The following ADGRV1 variants were observed in gnomAD, a reference collection of about 807,000 sequenced individuals.
ADGRV1 encodes G-protein coupled receptor 98.
A neutral mutation model predicts 596.2 loss-of-function variants in ADGRV1; 359 were observed. The observed-to-expected ratio is 0.60, with a 90% CI of 0.55 to 0.66. The LOEUF (loss-of-function observed/expected upper bound fraction) is 0.66. Among genes scored for constraint, ADGRV1 ranks in the 30% least tolerant of loss-of-function variants. ADGRV1 has a pLI of 0.00. For missense variants in ADGRV1, 7,274 were observed against 7,575.6 expected, an observed-to-expected ratio of 0.96 and a Z score of 1.48; for synonymous variants, 2,681 against 2,679.2, an observed-to-expected ratio of 1.00 and a Z score of -0.02.
At chr5:90,666,215 G>A in intron 21 of ADGRV1, among the ~76,000 whole-genome samples, 1 of 151,526 alleles carries the variant, frequency 6.6e-6, no homozygotes, top group East Asian at 2.0e-4. Context: ...ACAGTGGGGT[G>A]TTAAAGTCTC....
At chr5:90,712,555 T>G (rs756678751) in intron 42 of ADGRV1, 127 bp downstream of exon 42, 74 of 726,320 alleles carry the variant, frequency 1.0e-4, no homozygotes, top group Non-Finnish European at 1.4e-4. Flanking sequence ...GATTTTAAGT[T>G]AGAGCATTTC....
chr5:90,877,677 T>A (rs1029502296), intron 83 of ADGRV1, among the ~76,000 whole-genome samples: 8 of 151,758 alleles, frequency 5.3e-5, no homozygotes, highest in Non-Finnish European at 1.5e-5. Context: ...TTGTGATTAG[T>A]TTAAGTGAAG....
intron 50 of ADGRV1, among the ~76,000 whole-genome samples, chr5:90,732,290 C>G (rs1279098293): frequency 6.6e-6 from 1 of 152,096 alleles, no homozygotes; most frequent in Non-Finnish European, 1.5e-5. Flanking sequence ...GACACTGTGC[C>G]CAACTGATTC....
intron 83 of ADGRV1, among the ~76,000 whole-genome samples, chr5:90,886,144 T>G (rs1006782636): frequency 6.6e-6 from 1 of 152,184 alleles, no homozygotes; most frequent in Non-Finnish European, 1.5e-5. Flanking sequence ...GGAGGCTGGC[T>G]ATTGGCACTA....
intron 48 of ADGRV1, 105 bp downstream of exon 48, chr5:90,725,761 C>A: frequency 1.5e-6 from 1 of 671,102 alleles, no homozygotes; most frequent in Non-Finnish European, 2.6e-6. Context: ...TAAAAGAAAA[C>A]CAAAATTTGA....
chr5:91,152,664 T>C (rs1365184112), intron 88 of ADGRV1, among the ~76,000 whole-genome samples: 2 of 152,144 alleles, frequency 1.3e-5, no homozygotes, highest in Non-Finnish European at 2.9e-5. Flanking sequence ...TTGTTTTGTT[T>C]TTGTTTTTGT....
At chr5:90,721,300 C>A (rs148784711) in intron 45 of ADGRV1, among the ~76,000 whole-genome samples, 1 of 151,632 alleles carries the variant, frequency 6.6e-6, no homozygotes, top group East Asian at 1.9e-4. Flanking sequence ...GTCAGGAGAT[C>A]GAGACCATCC....
chr5:90,983,996 A>T (rs1030278354), intron 84 of ADGRV1, among the ~76,000 whole-genome samples: 13 of 152,192 alleles, frequency 8.5e-5, no homozygotes, highest in African/African-American at 2.9e-4. Flanking sequence ...TTTGTCTTTC[A>T]CACTGTCTGA....
At chr5:90,998,620 T>C (rs539661886) in intron 85 of ADGRV1, among the ~76,000 whole-genome samples, 5 of 152,196 alleles carry the variant, frequency 3.3e-5, no homozygotes, top group Non-Finnish European at 7.4e-5. Flanking sequence ...TGTACACTTA[T>C]GTTAATATTT....
chr5:90,957,480 A>G (rs1777576662), intron 83 of ADGRV1, among the ~76,000 whole-genome samples: 1 of 150,594 alleles, frequency 6.6e-6, no homozygotes, highest in African/African-American at 2.4e-5. Context: ...GAGAAAAAAT[A>G]AAAGCATATT....
At chr5:90,690,367 T>C (rs2149618751) in intron 30 of ADGRV1, among the ~76,000 whole-genome samples, 1 of 152,298 alleles carries the variant, frequency 6.6e-6, no homozygotes, top group East Asian at 1.9e-4. Context: ...TTTAGAAAAA[T>C]AATTTAATTT....
Position 90,823,590 on chromosome 5 carries a change from A to G in ADGRV1, c.16362A>G (p.Pro5454=), listed in dbSNP as rs753088910. 3.8e-5 allele frequency: 61 copies of G among 1,613,258 alleles called. No homozygotes were observed. The highest frequency in any genetic ancestry group is 6.7e-5 in the Admixed American group (4 of 59,982). ...TKCFISIELK[P]EKVPQVEVYF... ...GCTTTATCAGCATTGAACTCAAACC[A>G]GAAAAGGTAAGAAATGAAGAGACAC... Residue 5454 remains proline (P), a synonymous_variant, in exon 76 of 90, where the codon CCA becomes CCG. Coordinates refer to ENST00000405460, the MANE Select transcript of ADGRV1 (RefSeq NM_032119.4).
At chr5:90,892,368 G>T (rs181893554) in intron 83 of ADGRV1, among the ~76,000 whole-genome samples, 1 of 152,146 alleles carries the variant, frequency 6.6e-6, no homozygotes, top group East Asian at 1.9e-4. Context: ...TGTGATAAAA[G>T]TATGGTTTTC....
At chr5:91,043,864 C>T (rs1228371142) in intron 85 of ADGRV1, among the ~76,000 whole-genome samples, 1 of 151,784 alleles carries the variant, frequency 6.6e-6, no homozygotes, top group East Asian at 1.9e-4. Flanking sequence ...TTCACTGTTC[C>T]TATTTGCTGC....
chr5:90,657,192 T>C (rs1023156318), intron 20 of ADGRV1, among the ~76,000 whole-genome samples: 1 of 150,654 alleles, frequency 6.6e-6, no homozygotes, highest in Admixed American at 6.6e-5. Flanking sequence ...CTAAGCACTT[T>C]GGGAGGATCG....
Position 90,653,544 on chromosome 5 carries a change from G to A in ADGRV1, c.3970G>A (p.Gly1324Arg). The change falls in exon 20 of 90, where the codon GGA (glycine) becomes AGA (arginine). Residue 1324 changes from glycine (G) to arginine (R), a missense_variant. Physicochemically the swap from Gly to Arg is moderately radical, Grantham distance 125. Transcript: ENST00000405460. ...LQQHMRRHHS[G>R]TDALYFTGLE... ...ACAGCACATGCGGCGTCACCACAGT[G>A]GAACGGATGCTTTGTACTTTACCGG... The A allele has an allele frequency of 6.2e-7, 1 of 1,613,912 alleles. No homozygotes were observed. Among genetic ancestry groups the A allele is most frequent in the Non-Finnish European group, 8.5e-7 (1 of 1,179,876 alleles).
At chr5:90,957,624 T>C (rs1389645713) in intron 83 of ADGRV1, among the ~76,000 whole-genome samples, 1 of 148,154 alleles carries the variant, frequency 6.7e-6, no homozygotes, top group East Asian at 1.9e-4. Context: ...CTATATATGT[T>C]ATATATTTTA....
At chr5:90,642,577 C>A in intron 11 of ADGRV1, 59 bp from the exon 12 acceptor site, 2 of 1,583,624 alleles carry the variant, frequency 1.3e-6, no homozygotes, top group Admixed American at 3.6e-5. Context: ...TAAAAGCCTG[C>A]AAAATTCAGA....
chr5:91,154,486 A>C (rs1406980356), intron 89 of ADGRV1, among the ~76,000 whole-genome samples: 4 of 152,224 alleles, frequency 2.6e-5, no homozygotes, highest in Non-Finnish European at 5.9e-5. Context: ...AAGGTTACAT[A>C]GTTAAGCGGC....
Sources: gnomAD v4.1 joint callset for allele counts (sites outside exome capture counted in the v4.1 genomes callset) on GRCh38, gnomAD v4.1.1 for gene constraint, MANE v1.5 for transcripts, NCBI Gene and HGNC (gene_info 2026-07-23, HGNC 2026-07-21) for gene names.